The following NEXMIF variants were observed in gnomAD, a reference collection of about 807,000 sequenced individuals.
The protein encoded by NEXMIF is XLMR protein related to neurite extension.
In NEXMIF, 8 loss-of-function variants were observed where a neutral mutation model predicts 62.1. The ratio of observed to expected loss-of-function variants is 0.13; its 90% CI spans 0.08 to 0.23. The LOEUF is 0.23. Ranked by LOEUF, NEXMIF falls within the 10% of genes least tolerant of loss-of-function variation. NEXMIF has a pLI of 1.00. For synonymous variants in NEXMIF, 404 were observed against 416.6 expected (o/e 0.97, Z 0.37); for missense variants, 976 against 1,113.3 (o/e 0.88, Z 1.75).
intron 1 of NEXMIF, among the ~76,000 whole-genome samples, chrX:74,908,677 T>C (rs939726920): frequency 6.2e-5 from 7 of 112,523 alleles, no homozygotes; most frequent in Non-Finnish European, 1.1e-4. Flanking sequence ...GGGAGAAAAA[T>C]GTGCACATGC....
chrX:74,746,007 G>C (rs1365966449), intron 1 of NEXMIF, among the ~76,000 whole-genome samples: 1 of 111,787 alleles, frequency 8.9e-6, no homozygotes, highest in Non-Finnish European at 1.9e-5. Flanking sequence ...ACCTAATCAT[G>C]GTTGCCTGAT....
In NEXMIF at chrX:74,736,995, C is replaced by T. The variant is rs1200898924; in HGVS notation, c.*2410G>A. 1 of 112,072 alleles carries T rather than the reference C, an allele frequency of 8.9e-6. No individual in the cohort carries two copies. Among genetic ancestry groups the T allele is most frequent in the Non-Finnish European group, 1.9e-5 (1 of 53,134 alleles). The allele number at this position is 112,072 out of a possible 1,213,427, so 9.2% of individuals were successfully genotyped here. On this transcript the variant is annotated 3_prime_UTR_variant, in exon 4 of 4. Transcript: ENST00000055682. The stretch of plus-strand genomic sequence containing the variant: ...AACAGTTTCAGGCTGTCCTACCCCA[C>T]TCACACCCCATTCTCCAAAGCTGAA...
chrX:74,919,009 C>T (rs984438530), intron 1 of NEXMIF, among the ~76,000 whole-genome samples: 3 of 112,451 alleles, frequency 2.7e-5, no homozygotes, highest in Non-Finnish European at 3.8e-5. Flanking sequence ...GTTGCCTGTG[C>T]ACTTCTCAAA....
At chrX:74,796,292 T>TAA (rs1423775666) in intron 1 of NEXMIF, among the ~76,000 whole-genome samples, 6 of 13,596 alleles carry the variant, frequency 4.4e-4, no homozygotes, top group Non-Finnish European at 1.5e-3. Context: ...ATTATATATA[T>TAA]TATATATATA....
intron 1 of NEXMIF, among the ~76,000 whole-genome samples, chrX:74,860,035 C>G (rs954211686): frequency 5.4e-5 from 6 of 111,246 alleles, no homozygotes; most frequent in African/African-American, 2.0e-4. Flanking sequence ...TAAGTTCCTA[C>G]TTATTGATAA....
chrX:74,907,340 C>CA (rs1431943709), intron 1 of NEXMIF, among the ~76,000 whole-genome samples: 1 of 66,344 alleles, frequency 1.5e-5, no homozygotes, highest in African/African-American at 5.9e-5. Context: ...GAGCACCCCC[C>CA]CCCCCGCCCC....
At chrX:74,873,844 T>C (rs1381818101) in intron 1 of NEXMIF, among the ~76,000 whole-genome samples, 1 of 111,525 alleles carries the variant, frequency 9.0e-6, no homozygotes, top group Non-Finnish European at 1.9e-5. Flanking sequence ...GGGTTGTTTG[T>C]TTTTTTCTTG....
intron 1 of NEXMIF, among the ~76,000 whole-genome samples, chrX:74,823,313 G>T (rs913293486): frequency 1.8e-5 from 2 of 111,527 alleles, no homozygotes; most frequent in Non-Finnish European, 3.8e-5. Flanking sequence ...ACAATGAACT[G>T]TATGCCTTAA....
intron 1 of NEXMIF, among the ~76,000 whole-genome samples, chrX:74,891,681 A>G (rs1453359967): frequency 8.9e-6 from 1 of 112,279 alleles, no homozygotes; most frequent in African/African-American, 3.2e-5. Context: ...AAAACCAAGC[A>G]ACTCAAGGTC....
chrX:74,819,496 A>G (rs987194510), intron 1 of NEXMIF, among the ~76,000 whole-genome samples: 1 of 112,174 alleles, frequency 8.9e-6, no homozygotes, highest in African/African-American at 3.2e-5. Context: ...CAAGAAAAAA[A>G]TCAAACAACC....
intron 1 of NEXMIF, among the ~76,000 whole-genome samples, chrX:74,789,603 T>C (rs2080272265): frequency 9.0e-6 from 1 of 111,162 alleles, no homozygotes; most frequent in Non-Finnish European, 1.9e-5. Context: ...AGTATAAAAC[T>C]GTTCCTATTT....
intron 1 of NEXMIF, among the ~76,000 whole-genome samples, chrX:74,921,704 T>C (rs1345248521): frequency 9.5e-6 from 1 of 105,080 alleles, no homozygotes; most frequent in African/African-American, 3.5e-5. Flanking sequence ...GGTGGCCAAC[T>C]TTTCAGAGGA....
chrX:74,736,749 T>G lies in NEXMIF; in HGVS notation c.*2656A>C, dbSNP rs1254932458. ...TCTCAAACTCTGTTTCTTTTTATGT[T>G]TCAGTACAAAGTGACTGGTTATGCG... is the stretch of plus-strand genomic sequence containing the variant. On this transcript the variant is annotated 3_prime_UTR_variant, in exon 4 of 4. Coordinates refer to ENST00000055682, the MANE Select transcript of NEXMIF (RefSeq NM_001008537.3). 1 of 112,349 alleles carries G rather than the reference T, an allele frequency of 8.9e-6. No individual in the cohort carries two copies. Among genetic ancestry groups the G allele is most frequent in the Non-Finnish European group, 1.9e-5 (1 of 53,206 alleles). 9.3% of individuals were successfully genotyped at this position (112,349 alleles called of 1,213,427 possible).
At chrX:74,886,645 A>G (rs1350758552) in intron 1 of NEXMIF, among the ~76,000 whole-genome samples, 6 of 110,754 alleles carry the variant, frequency 5.4e-5, no homozygotes, top group Non-Finnish European at 7.5e-5. Context: ...CAAGGAAATA[A>G]AAGAGGATAC....
In NEXMIF at chrX:74,903,325, T is replaced by TACACACACACACACACACACAC. The variant is rs397897060; in HGVS notation, c.-48+21536_-48+21557dup. On this transcript the variant is annotated intron_variant, in intron 1 of 3. Transcript: ENST00000055682. ...TGGAGTCCTCACTGATTCTCAGGCA[T>TACACACACACACACACACACAC]ACACACACACACACACACACACACA... 7.8e-5 allele frequency among the ~76,000 whole-genome samples: 4 copies of TACACACACACACACACACACAC among 51,251 alleles called. 1 individual carries two copies. In the East Asian group the frequency reaches 3.8e-3, roughly 48 times the overall value. The allele number at this position is 51,251 out of a possible 115,157, so 44.5% of individuals were successfully genotyped here.
chrX:74,791,851 A>C lies in NEXMIF; in HGVS notation c.-47-46154T>G, dbSNP rs761213907. Among the ~76,000 whole-genome samples the C allele has an allele frequency of 2.7e-5, 3 of 110,625 alleles. No homozygotes were observed. The Admixed American group carries it at 2.9e-4, about 11-fold the overall frequency. On this transcript the variant is annotated intron_variant, in intron 1 of 3. Transcript: ENST00000055682. ...CCCTTTATCATTTTTTATTGCGTCT[A>C]TTAGATTCTTCTTTTTTTCTTTATT...
intron 1 of NEXMIF, among the ~76,000 whole-genome samples, chrX:74,869,801 A>G (rs1006896431): frequency 1.3e-4 from 15 of 111,778 alleles, no homozygotes; most frequent in Admixed American, 9.6e-4. Flanking sequence ...TACAACGTTG[A>G]TGCAAAAAAT....
At chrX:74,875,952 GATTC>G (rs2080630288) in intron 1 of NEXMIF, among the ~76,000 whole-genome samples, 1 of 111,008 alleles carries the variant, frequency 9.0e-6, no homozygotes, top group South Asian at 3.8e-4. Flanking sequence ...CCAGCTCCTA[GATTC>G]ATTAATTTTT....
intron 1 of NEXMIF, among the ~76,000 whole-genome samples, chrX:74,758,447 T>C (rs1420064351): frequency 9.0e-6 from 1 of 111,452 alleles, no homozygotes; most frequent in African/African-American, 3.3e-5. Context: ...GGGATACATA[T>C]GTAAATTTGT....
Sources: allele counts gnomAD v4.1 joint callset (sites outside exome capture counted in the v4.1 genomes callset), GRCh38; gene constraint gnomAD v4.1.1; transcripts MANE v1.5; gene names NCBI Gene and HGNC (gene_info 2026-07-23, HGNC 2026-07-21).